The following KCNQ1 variants were observed in gnomAD, a reference collection of about 807,000 sequenced individuals.
The protein encoded by KCNQ1 is potassium voltage-gated channel subfamily KQT member 1.
A neutral mutation model predicts 72.4 loss-of-function variants in KCNQ1; 49 were observed. The ratio of observed to expected loss-of-function variants is 0.68; its 90% confidence interval spans 0.54 to 0.86. The LOEUF (loss-of-function observed/expected upper bound fraction) is 0.86. KCNQ1 is among the 40% of genes least tolerant of loss of function. The pLI is 0.00. For synonymous variants in KCNQ1, 450 were observed against 412.6 expected (o/e 1.09, Z -1.10); for missense variants, 790 against 945.1 (o/e 0.84, Z 2.15).
chr11:2,820,027 C>T (rs1310670026), intron 15 of KCNQ1, among the ~76,000 whole-genome samples: 1 of 152,158 alleles, frequency 6.6e-6, no homozygotes, highest in Non-Finnish European at 1.5e-5. Flanking sequence ...CTTCAAACAA[C>T]CTGCATTTGG....
At chr11:2,692,826 T>A in intron 11 of KCNQ1, 1 of 398,684 alleles carries the variant, frequency 2.5e-6, no homozygotes. Context: ...GAGGCAATGA[T>A]CATTCCCCTG....
chr11:2,633,881 GTATACA>G, intron 10 of KCNQ1: 1 of 398,592 alleles, frequency 2.5e-6, no homozygotes, highest in Non-Finnish European at 4.4e-6. Flanking sequence ...TCAGTCATCT[GTATACA>G]TAGTTTTCAC....
At chr11:2,528,105 G>A (rs1226267858) in intron 2 of KCNQ1, 87 bp downstream of exon 2, 4 of 795,812 alleles carry the variant, frequency 5.0e-6, no homozygotes, top group Non-Finnish European at 6.2e-6. Context: ...AAGGTGGGGG[G>A]CAGAGCCACT....
chr11:2,480,513 C>T (rs1008041262), intron 1 of KCNQ1, among the ~76,000 whole-genome samples: 16 of 152,192 alleles, frequency 1.1e-4, no homozygotes, highest in East Asian at 1.9e-4. Context: ...TTCACTACCA[C>T]GAGAACAATA....
Position 2,566,761 on chromosome 11 carries a change from G to A in KCNQ1, c.478-3867G>A, listed in dbSNP as rs907226702. ...CCCGGGCCATTGCATCCTTGACCCC[G>A]GGGGGCTTGCAGGCACCACATAGAT... On this transcript the variant is annotated intron_variant, in intron 2 of 15. Transcript: ENST00000155840. This position sits in a 1 kb window ranked among gnomAD's most constrained non-coding sequence, Gnocchi z 6.7. Among the ~76,000 whole-genome samples, 7 of 152,142 alleles carry A rather than the reference G, an allele frequency of 4.6e-5. No individual in the cohort carries two copies. The highest frequency in any genetic ancestry group is 1.3e-4 in the Admixed American group (2 of 15,280).
chr11:2,705,416 G>A (rs915622664), intron 11 of KCNQ1, among the ~76,000 whole-genome samples: 1 of 152,182 alleles, frequency 6.6e-6, no homozygotes, highest in South Asian at 2.1e-4. Context: ...CCACTTCGAC[G>A]CGGGTTAACT....
chr11:2,688,772 C>A, intron 11 of KCNQ1: 1 of 398,830 alleles, frequency 2.5e-6, no homozygotes, highest in Non-Finnish European at 4.4e-6. Flanking sequence ...CCACCTATAC[C>A]ACACCTATAT....
rs1848837200 is a variant in KCNQ1, at chr11:2,603,591, C to T, written c.1393+14737C>T. On this transcript the variant is annotated intron_variant, in intron 10 of 15. Coordinates refer to ENST00000155840, the MANE Select transcript of KCNQ1 (RefSeq NM_000218.3). The surrounding 1 kb of genome is among the most constrained non-coding windows in gnomAD (Gnocchi z 4.1). Reference sequence around the variant, plus strand: ...CTAATCTTTCTCTCTATGGGTTTGCCTATTCTGGACATTTTATATAAGTGG... The same window carrying T: ...CTAATCTTTCTCTCTATGGGTTTGCTTATTCTGGACATTTTATATAAGTGG... 1.3e-5 allele frequency among the ~76,000 whole-genome samples: 2 copies of T among 152,140 alleles called. No individual in the cohort carries two copies. The highest frequency in any genetic ancestry group is 6.5e-5 in the Admixed American group (1 of 15,278).
Position 2,724,508 on chromosome 11 carries a change from G to A in KCNQ1, c.1515-44336G>A, listed in dbSNP as rs1213816176. On this transcript the variant is annotated intron_variant, in intron 11 of 15. Transcript: ENST00000155840. This position sits in a 1 kb window ranked among gnomAD's most constrained non-coding sequence, Gnocchi z 6.8. ...GAGAAGTGGTGGGTGGCAGCGAGCA[G>A]GCTGTCCTGCAAGGCCGTGGCTGCA... Among the ~76,000 whole-genome samples, 1 of 152,202 alleles carries A rather than the reference G, an allele frequency of 6.6e-6. No individual in the cohort carries two copies. Among genetic ancestry groups the A allele is most frequent in the Non-Finnish European group, 1.5e-5 (1 of 68,028 alleles).
At chr11:2,640,393 C>T (rs1445352120) in intron 10 of KCNQ1, 1 of 398,602 alleles carries the variant, frequency 2.5e-6, no homozygotes, top group Non-Finnish European at 4.4e-6. Flanking sequence ...TCAAGTCATT[C>T]TCCATCCTTG....
At chr11:2,732,609 G>A (rs1024476904) in intron 11 of KCNQ1, among the ~76,000 whole-genome samples, 1 of 152,192 alleles carries the variant, frequency 6.6e-6, no homozygotes, top group Non-Finnish European at 1.5e-5. Flanking sequence ...TGCTTCCGAC[G>A]GGGCCCGAGG....
chr11:2,503,562 G>T (rs1847050414), intron 1 of KCNQ1, among the ~76,000 whole-genome samples: 1 of 124,708 alleles, frequency 8.0e-6, no homozygotes, highest in Non-Finnish European at 1.7e-5. Context: ...AGGGGGGAGG[G>T]ATAGCATTAG....
intron 11 of KCNQ1, among the ~76,000 whole-genome samples, chr11:2,743,693 T>C (rs921405479): frequency 6.6e-6 from 1 of 152,226 alleles, no homozygotes; most frequent in Non-Finnish European, 1.5e-5. Flanking sequence ...ATTCACGACC[T>C]CCCAGCTTTA....
Position 2,565,302 on chromosome 11 carries a change from T to C in KCNQ1, c.478-5326T>C. Among the ~76,000 whole-genome samples the C allele has an allele frequency of 6.6e-6, 1 of 152,072 alleles. No homozygotes were observed. Among genetic ancestry groups the C allele is most frequent in the South Asian group, 2.1e-4 (1 of 4,816 alleles). ...GGAGCACTTGTCACTCTGTTTGGGG[T>C]GGCAGCCACCCTAATGGATGAGAGG... On this transcript the variant is annotated intron_variant, in intron 2 of 15. Coordinates refer to ENST00000155840, the MANE Select transcript of KCNQ1 (RefSeq NM_000218.3). This position sits in a 1 kb window ranked among gnomAD's most constrained non-coding sequence, Gnocchi z 5.6.
chr11:2,470,657 G>A (rs1244993331), intron 1 of KCNQ1, among the ~76,000 whole-genome samples: 2 of 151,056 alleles, frequency 1.3e-5, no homozygotes, highest in African/African-American at 4.9e-5. Flanking sequence ...CAGCTTCCAG[G>A]GTTTCTCTGG....
rs533027858 is a variant in KCNQ1, at chr11:2,450,563, C to T, written c.386+5079C>T. On this transcript the variant is annotated intron_variant, in intron 1 of 15. Coordinates refer to ENST00000155840, the MANE Select transcript of KCNQ1 (RefSeq NM_000218.3). This position sits in a 1 kb window ranked among gnomAD's most constrained non-coding sequence, Gnocchi z 7.9. ...GGGATTGCTGTCACTGTGGGTCACT[C>T]CAGCCCCGGATGCTCCTACACCATG... Among the ~76,000 whole-genome samples the T allele has an allele frequency of 4.2e-4, 64 of 152,122 alleles. 1 individual carries two copies. Among genetic ancestry groups the T allele is most frequent in the African/African-American group, 8.4e-4 (35 of 41,484 alleles).
intron 11 of KCNQ1, among the ~76,000 whole-genome samples, chr11:2,721,002 A>G (rs1851193043): frequency 6.6e-6 from 1 of 152,234 alleles, no homozygotes; most frequent in South Asian, 2.1e-4. Flanking sequence ...GGCCAGAGCC[A>G]TGGACGGTCC....
At chr11:2,829,505 C>T (rs1263092368) in intron 15 of KCNQ1, among the ~76,000 whole-genome samples, 1 of 152,156 alleles carries the variant, frequency 6.6e-6, no homozygotes, top group Admixed American at 6.5e-5. Context: ...CAGCTAAAAA[C>T]AGTGATTACA....
At position 2,527,123 on chromosome 11, in the gene KCNQ1, C is replaced by T. The variant is rs150272361; in HGVS notation, c.387-805C>T. Among the ~76,000 whole-genome samples the T allele has an allele frequency of 2.2e-3, 335 of 152,324 alleles. 1 individual carries two copies. The highest frequency in any genetic ancestry group is 7.8e-3 in the African/African-American group (324 of 41,578). On this transcript the variant is annotated intron_variant, in intron 1 of 15. Coordinates refer to ENST00000155840, the MANE Select transcript of KCNQ1 (RefSeq NM_000218.3). ...GAGAAGGCGGCCCGTCTTTTCTCTG[C>T]GGGCCCACAGGCCCAGAACGTTGGC...
Sources: allele counts gnomAD v4.1 joint callset (sites outside exome capture counted in the v4.1 genomes callset), GRCh38; gene constraint gnomAD v4.1.1; non-coding constraint Gnocchi (gnomAD v3.1); transcripts MANE v1.5; gene names NCBI Gene and HGNC (gene_info 2026-07-23, HGNC 2026-07-21).